Variants in BCAR3 observed in about 807,000 individuals in gnomAD.
BCAR3 encodes the protein breast cancer anti-estrogen resistance protein 3.
A neutral mutation model predicts 80.1 loss-of-function variants in BCAR3; 37 were observed. The ratio of observed to expected loss-of-function variants is 0.46; its 90% CI spans 0.36 to 0.61. The LOEUF is 0.61. BCAR3 is among the 20% of genes least tolerant of loss of function. BCAR3 has a pLI of 0.00. For synonymous variants in BCAR3, 389 were observed against 418.9 expected (o/e 0.93, Z 0.87); for missense variants, 978 against 1,068.2 (o/e 0.92, Z 1.18).
At chr1:93,828,362 C>G (rs930124607) in intron 2 of BCAR3, among the ~76,000 whole-genome samples, 3 of 152,188 alleles carry the variant, frequency 2.0e-5, no homozygotes, top group African/African-American at 4.8e-5. Flanking sequence ...TAGAATCCCT[C>G]TCTTCCAAAT....
intron 11 of BCAR3, 24 bp downstream of exon 11, chr1:93,567,255 C>T (rs1672989256): frequency 6.2e-7 from 1 of 1,610,698 alleles, no homozygotes; most frequent in Non-Finnish European, 8.5e-7. Flanking sequence ...TGTTAGAGAA[C>T]AGCTTACAAA....
chr1:93,674,400 C>T (rs1648363282), intron 2 of BCAR3, among the ~76,000 whole-genome samples: 1 of 152,082 alleles, frequency 6.6e-6, no homozygotes, highest in Non-Finnish European at 1.5e-5. Context: ...GGATTACAGG[C>T]ACATGCCACC....
At chr1:93,741,818 G>A (rs963484158) in intron 2 of BCAR3, among the ~76,000 whole-genome samples, 4 of 152,124 alleles carry the variant, frequency 2.6e-5, no homozygotes, top group East Asian at 1.9e-4. Context: ...TGTTCCACCC[G>A]CCTTGGCCTC....
intron 3 of BCAR3, among the ~76,000 whole-genome samples, chr1:93,622,262 A>G (rs74428307): frequency 0.025 from 3,739 of 152,280 alleles, 146 homozygotes; most frequent in African/African-American, 0.085. Flanking sequence ...ACACTAGGAG[A>G]GGAGTATTAT....
At chr1:93,798,964 T>C (rs1216021269) in intron 2 of BCAR3, among the ~76,000 whole-genome samples, 1 of 152,168 alleles carries the variant, frequency 6.6e-6, no homozygotes, top group African/African-American at 2.4e-5. Context: ...GAGGGTAATG[T>C]GTGGAGCAGA....
At chr1:93,660,315 TC>T (rs1184563822) in intron 2 of BCAR3, among the ~76,000 whole-genome samples, 3 of 152,154 alleles carry the variant, frequency 2.0e-5, no homozygotes, top group Non-Finnish European at 4.4e-5. Context: ...AGCGCCTGGC[TC>T]CCCAGCCCCA....
At chr1:93,653,020 CTT>C (rs1227674661) in intron 2 of BCAR3, among the ~76,000 whole-genome samples, 1 of 152,170 alleles carries the variant, frequency 6.6e-6, no homozygotes, top group Admixed American at 6.5e-5. Context: ...TAAAAGGACA[CTT>C]GATCTGTAAG....
chr1:93,668,375 T>C (rs940653318), intron 2 of BCAR3, among the ~76,000 whole-genome samples: 8 of 152,202 alleles, frequency 5.3e-5, no homozygotes, highest in Non-Finnish European at 1.2e-4. Context: ...TCCCACCCTC[T>C]GGGCTTCTTC....
At chr1:93,576,988 T>G (rs1464251985) in intron 7 of BCAR3, among the ~76,000 whole-genome samples, 2 of 152,032 alleles carry the variant, frequency 1.3e-5, no homozygotes, top group Non-Finnish European at 2.9e-5. Context: ...ACCCCATCTT[T>G]ACAAAAAAAT....
At chr1:93,618,805 C>T (rs570588254) in intron 3 of BCAR3, among the ~76,000 whole-genome samples, 93 of 152,290 alleles carry the variant, frequency 6.1e-4, no homozygotes, top group African/African-American at 2.2e-3. Context: ...GTCATGGGCC[C>T]TCCTTCTAGA....
chr1:93,631,184 A>G (rs368888), intron 3 of BCAR3, among the ~76,000 whole-genome samples: 44,054 of 151,984 alleles, frequency 0.29, 8,721 homozygotes, highest in African/African-American at 0.58. Context: ...CCCAGTCTCT[A>G]TCTGTCCTCA....
intron 2 of BCAR3, among the ~76,000 whole-genome samples, chr1:93,773,110 A>G (rs1014647588): frequency 6.6e-6 from 1 of 152,192 alleles, no homozygotes; most frequent in African/African-American, 2.4e-5. Context: ...AGTTGGAAAA[A>G]CAGGTTTTAG....
At chr1:93,742,821 A>G (rs1315763054) in intron 2 of BCAR3, among the ~76,000 whole-genome samples, 5 of 152,162 alleles carry the variant, frequency 3.3e-5, no homozygotes, top group African/African-American at 1.2e-4. Flanking sequence ...CAAACAACAA[A>G]CCCACATATA....
intron 2 of BCAR3, among the ~76,000 whole-genome samples, chr1:93,781,399 A>G (rs1557686501): frequency 6.6e-6 from 1 of 152,228 alleles, no homozygotes; most frequent in Non-Finnish European, 1.5e-5. Flanking sequence ...GAACAGCCAT[A>G]AAGGAACCGG....
chr1:93,808,528 G>A (rs994537202), intron 2 of BCAR3, among the ~76,000 whole-genome samples: 3 of 152,206 alleles, frequency 2.0e-5, no homozygotes, highest in Non-Finnish European at 4.4e-5. Flanking sequence ...AATTAAGAAA[G>A]AGGAAGCTGT....
intron 3 of BCAR3, among the ~76,000 whole-genome samples, chr1:93,595,607 A>T (rs236333): frequency 0.32 from 48,186 of 152,100 alleles, 9,470 homozygotes; most frequent in African/African-American, 0.56. Context: ...TCGTCACATA[A>T]ATTAATGCAA....
intron 3 of BCAR3, among the ~76,000 whole-genome samples, chr1:93,632,377 G>A (rs182512348): frequency 1.6e-4 from 24 of 152,182 alleles, no homozygotes; most frequent in African/African-American, 5.1e-4. Flanking sequence ...ACTTTACGAC[G>A]GTGCTGAAGT....
chr1:93,590,972 C>G (rs1674150604), intron 4 of BCAR3, among the ~76,000 whole-genome samples: 1 of 151,948 alleles, frequency 6.6e-6, no homozygotes. Context: ...TACTTGATTT[C>G]AAAAAGCCCG....
intron 2 of BCAR3, among the ~76,000 whole-genome samples, chr1:93,760,132 G>A (rs928424343): frequency 6.6e-6 from 1 of 152,050 alleles, no homozygotes; most frequent in East Asian, 1.9e-4. Flanking sequence ...CATACAAAAG[G>A]CCATGGTGAA....
Sources: allele counts gnomAD v4.1 joint callset (sites outside exome capture counted in the v4.1 genomes callset), GRCh38; gene constraint gnomAD v4.1.1; transcripts MANE v1.5; gene names NCBI Gene and HGNC (gene_info 2026-07-23, HGNC 2026-07-21).